Variants in ARHGEF10 observed in about 807,000 individuals in gnomAD.
ARHGEF10 encodes the protein Rho guanine nucleotide exchange factor 10, also known as Rho guanine nucleotide exchange factor (GEF) 10.
A neutral mutation model predicts 147.4 loss-of-function variants in ARHGEF10; 140 were observed. The ratio of observed to expected loss-of-function variants is 0.95; its 90% CI spans 0.83 to 1.09. ARHGEF10 has a LOEUF of 1.09. Among genes scored for constraint, ARHGEF10 ranks in the 50% least tolerant of loss-of-function variants. The pLI, the probability that ARHGEF10 is intolerant of heterozygous loss-of-function variation, is 0.00. For missense variants in ARHGEF10, 2,222 were observed against 1,752.7 expected, an observed-to-expected ratio of 1.27 and a Z score of -4.78; for synonymous variants, 902 against 695.8, an observed-to-expected ratio of 1.30 and a Z score of -4.67.
intron 11 of ARHGEF10, 26 bp downstream of exon 11, chr8:1,885,733 C>A: frequency 6.6e-7 from 1 of 1,518,004 alleles, no homozygotes; most frequent in Non-Finnish European, 9.2e-7. Context: ...CTGACAGGGG[C>A]TGTTGACCAG....
chr8:1,841,096 C>T (rs889650879), intron 1 of ARHGEF10, among the ~76,000 whole-genome samples: 15 of 152,240 alleles, frequency 9.9e-5, no homozygotes, highest in African/African-American at 3.6e-4. Context: ...CTCGCATCAG[C>T]CACCCGCCCT....
chr8:1,924,391 G>C lies in ARHGEF10; in HGVS notation c.2488+517G>C, dbSNP rs569240749. Among the ~76,000 whole-genome samples, 202 of 152,260 alleles carry C rather than the reference G, an allele frequency of 1.3e-3. 2 individuals are homozygous for C. Among genetic ancestry groups the C allele is most frequent in the Non-Finnish European group, 7.9e-4 (54 of 68,018 alleles). ...CTTGTTCCTATGTCTCTTCAGCCTT[G>C]ATTATTTTTTGCTCTGTGTGTGTGT... On this transcript the variant is annotated intron_variant, in intron 21 of 28. Coordinates refer to ENST00000349830, the MANE Select transcript of ARHGEF10 (RefSeq NM_014629.4).
At chr8:1,856,391 C>G (rs939320241) in intron 2 of ARHGEF10, among the ~76,000 whole-genome samples, 2 of 152,218 alleles carry the variant, frequency 1.3e-5, no homozygotes, top group African/African-American at 4.8e-5. Flanking sequence ...GGATCCAGTT[C>G]ACGCTGTCGT....
chr8:1,933,701 C>G (rs1813336033), intron 25 of ARHGEF10, 99 bp from the exon 26 acceptor site: 2 of 1,441,156 alleles, frequency 1.4e-6, no homozygotes, highest in African/African-American at 2.8e-5. Flanking sequence ...TACAGGTGAT[C>G]CTTCGGGTGT....
At chr8:1,841,836 A>AGG (rs1563161335) in intron 1 of ARHGEF10, among the ~76,000 whole-genome samples, 20 of 74,674 alleles carry the variant, frequency 2.7e-4, no homozygotes, top group East Asian at 2.1e-3. Context: ...TGGGGCCGCG[A>AGG]CGGGAACTGG....
intron 1 of ARHGEF10, among the ~76,000 whole-genome samples, chr8:1,831,813 C>T (rs17064302): frequency 0.049 from 7,482 of 152,328 alleles, 189 homozygotes; most frequent in South Asian, 0.099. Flanking sequence ...TTGACTTTCA[C>T]GTCGATGACA....
At chr8:1,860,726 G>C (rs2129076818) in intron 4 of ARHGEF10, among the ~76,000 whole-genome samples, 1 of 152,286 alleles carries the variant, frequency 6.6e-6, no homozygotes, top group East Asian at 1.9e-4. Context: ...TCCCCCACCA[G>C]CTGCTCACGG....
At chr8:1,901,645 C>T (rs1195693505) in intron 15 of ARHGEF10, among the ~76,000 whole-genome samples, 4 of 152,232 alleles carry the variant, frequency 2.6e-5, no homozygotes, top group Non-Finnish European at 4.4e-5. Context: ...CGGATGCCCC[C>T]GGCTGTGCTC....
chr8:1,918,176 C>T (rs150585888), intron 18 of ARHGEF10, among the ~76,000 whole-genome samples: 13 of 152,266 alleles, frequency 8.5e-5, no homozygotes, highest in Admixed American at 1.3e-4. Context: ...AAGCACTGGC[C>T]GCACTGTGTG....
chr8:1,947,814 C>T (rs867730020), intron 27 of ARHGEF10, among the ~76,000 whole-genome samples: 9 of 149,098 alleles, frequency 6.0e-5, no homozygotes, highest in Admixed American at 2.7e-4. Flanking sequence ...TGCTGCTGCT[C>T]GAAAGCCACT....
chr8:1,875,671 G>A (rs1286937298), intron 7 of ARHGEF10, among the ~76,000 whole-genome samples: 1 of 152,232 alleles, frequency 6.6e-6, no homozygotes, highest in African/African-American at 2.4e-5. Flanking sequence ...TTTGTAGTCA[G>A]TGGAGAAATA....
At chr8:1,920,487 T>C (rs966724341) in intron 18 of ARHGEF10, among the ~76,000 whole-genome samples, 1 of 110,752 alleles carries the variant, frequency 9.0e-6, no homozygotes, top group Non-Finnish European at 1.9e-5. Context: ...AATGCCTGGC[T>C]AATTTTTTTT....
chr8:1,957,249 C>A lies in ARHGEF10; in HGVS notation c.4021C>A (p.Leu1341Met). 6.2e-7 allele frequency: 1 copy of A among 1,610,806 alleles called. No homozygotes were observed. ...GACCGTCATGGTCTGGCAGATCCCT[C>A]TGCTGAATATATAAGCAGGACGGCC... ...APTVMVWQIP[L>M]LNI The change falls in exon 29 of 29, where the codon CTG (leucine) becomes ATG (methionine). Residue 1341 changes from leucine (L) to methionine (M), a missense_variant. Transcript: ENST00000349830.
intron 17 of ARHGEF10, 123 bp from the exon 18 acceptor site, chr8:1,909,172 A>T: frequency 7.4e-7 from 1 of 1,359,016 alleles, no homozygotes; most frequent in Non-Finnish European, 1.0e-6. Flanking sequence ...TACTATTGTG[A>T]GAAAGTCTGA....
chr8:1,841,226 G>A (rs1804006884), intron 1 of ARHGEF10, among the ~76,000 whole-genome samples: 1 of 151,342 alleles, frequency 6.6e-6, no homozygotes, highest in African/African-American at 2.4e-5. Flanking sequence ...TCTTGGAGTT[G>A]CGCTGGCGAG....
intron 14 of ARHGEF10, among the ~76,000 whole-genome samples, chr8:1,897,008 G>A (rs1038502859): frequency 1.3e-5 from 2 of 151,954 alleles, no homozygotes; most frequent in South Asian, 2.1e-4. Flanking sequence ...TTCCCCAGTC[G>A]TGGGATGCGT....
At chr8:1,905,428 A>C in intron 16 of ARHGEF10, 143 bp from the exon 17 acceptor site, 1 of 996,078 alleles carries the variant, frequency 1.0e-6, no homozygotes, top group South Asian at 1.3e-5. Flanking sequence ...TGTTCAGCGC[A>C]GTCACGGGGA....
At chr8:1,829,082 C>A (rs528931669) in intron 1 of ARHGEF10, among the ~76,000 whole-genome samples, 73 of 152,354 alleles carry the variant, frequency 4.8e-4, no homozygotes, top group African/African-American at 1.7e-3. Flanking sequence ...CTCCAGCACA[C>A]CTGGGGGGCG....
At chr8:1,877,087 G>T (rs115577918) in intron 8 of ARHGEF10, among the ~76,000 whole-genome samples, 2 of 152,228 alleles carry the variant, frequency 1.3e-5, no homozygotes, top group Non-Finnish European at 2.9e-5. Flanking sequence ...TGGGATCGGG[G>T]TTCCCTAAGA....
Sources: allele counts gnomAD v4.1 joint callset (sites outside exome capture counted in the v4.1 genomes callset), GRCh38; gene constraint gnomAD v4.1.1; transcripts MANE v1.5; gene names NCBI Gene and HGNC (gene_info 2026-07-23, HGNC 2026-07-21).